The following PHACTR2 variants were observed in gnomAD, a reference collection of about 807,000 sequenced individuals.
The protein encoded by PHACTR2 is phosphatase and actin regulator 2.
PHACTR2 carries 30 observed loss-of-function variants against 76.0 expected under a neutral mutation model. The observed-to-expected ratio is 0.39, with a 90% CI of 0.30 to 0.54. PHACTR2 has a LOEUF of 0.54. PHACTR2 is among the 20% of genes least tolerant of loss of function. PHACTR2 has a pLI of 0.61. For missense variants in PHACTR2, 696 were observed against 781.1 expected, an observed-to-expected ratio of 0.89 and a Z score of 1.30; for synonymous variants, 292 against 292.5, an observed-to-expected ratio of 1.00 and a Z score of 0.02.
intron 11 of PHACTR2, among the ~76,000 whole-genome samples, chr6:143,797,874 T>C (rs1445028438): frequency 2.0e-5 from 3 of 152,202 alleles, no homozygotes; most frequent in Admixed American, 6.5e-5. Flanking sequence ...TTGTCTTGGA[T>C]ATGCGAGCTC....
At chr6:143,756,751 G>A (rs1779309419) in intron 4 of PHACTR2, among the ~76,000 whole-genome samples, 1 of 145,686 alleles carries the variant, frequency 6.9e-6, no homozygotes, top group Admixed American at 6.9e-5. Context: ...GTTAAACAAA[G>A]CTTAGTATTA....
chr6:143,667,901 G>A (rs1383967741), intron 1 of PHACTR2, among the ~76,000 whole-genome samples: 3 of 152,182 alleles, frequency 2.0e-5, no homozygotes, highest in South Asian at 2.1e-4. Flanking sequence ...GCCCTGGCCA[G>A]AACTTCCAAT....
At chr6:143,734,906 G>A (rs971994047) in intron 2 of PHACTR2, among the ~76,000 whole-genome samples, 2 of 152,178 alleles carry the variant, frequency 1.3e-5, no homozygotes, top group African/African-American at 2.4e-5. Context: ...TTCATGTCAG[G>A]AAAGTCCATT....
At chr6:143,699,050 T>C (rs1407629536) in intron 1 of PHACTR2, among the ~76,000 whole-genome samples, 1 of 152,184 alleles carries the variant, frequency 6.6e-6, no homozygotes, top group African/African-American at 2.4e-5. Context: ...GCGTCCAGTC[T>C]TGTGCATGCC....
intron 1 of PHACTR2, among the ~76,000 whole-genome samples, chr6:143,670,412 C>T (rs2128450592): frequency 6.6e-6 from 1 of 152,230 alleles, no homozygotes; most frequent in East Asian, 1.9e-4. Flanking sequence ...GGGAGAGTTC[C>T]CCTGGATAAT....
In PHACTR2 at chr6:143,601,477, A is replaced by G. The variant is rs1260640937; in HGVS notation, c.217+64270A>G. The stretch of plus-strand genomic sequence containing the variant: ...GTACAATGCTGGGCTAAGGCACACT[A>G]GACTGACACCTAAGAAATCTCATTT... On this transcript the variant is annotated intron_variant, in intron 1 of 11. Transcript: ENST00000367584. 5.9e-5 allele frequency among the ~76,000 whole-genome samples: 9 copies of G among 152,222 alleles called. No homozygotes were observed. In the East Asian group the frequency reaches 1.7e-3, roughly 29 times the overall value.
At chr6:143,584,944 T>C (rs1775610357) in intron 1 of PHACTR2, among the ~76,000 whole-genome samples, 1 of 146,442 alleles carries the variant, frequency 6.8e-6, no homozygotes. Context: ...GGCATTCTCC[T>C]CTAAACCCCA....
At chr6:143,608,054 T>C (rs1267127817), upstream of PHACTR2, 3 of 536,984 alleles carry the variant, frequency 5.6e-6, no homozygotes, top group Non-Finnish European at 1.0e-5. The surrounding 1 kb of genome is among the most constrained non-coding windows in gnomAD (Gnocchi z 4.6). Flanking sequence ...AGAGCAGAGG[T>C]GGAAACCCCA....
In PHACTR2 at chr6:143,708,857, A is replaced by G. The variant is rs887111211; in HGVS notation, c.47-3159A>G. On this transcript the variant is annotated intron_variant, in intron 1 of 12. Transcript: ENST00000440869. This position sits in a 1 kb window ranked among gnomAD's most constrained non-coding sequence, Gnocchi z 5.5. ...GAAAGTAGAATTTTTATGCAGCATCAGGGAACTGGATATGTGGATTGGGAG... is the reference window on the plus strand; with the variant it reads ...GAAAGTAGAATTTTTATGCAGCATCGGGGAACTGGATATGTGGATTGGGAG... 6.6e-6 allele frequency among the ~76,000 whole-genome samples: 1 copy of G among 152,218 alleles called. No homozygotes were observed. The highest frequency in any genetic ancestry group is 2.4e-5 in the African/African-American group (1 of 41,458).
chr6:143,655,399 G>A (rs1256620572), intron 1 of PHACTR2, among the ~76,000 whole-genome samples: 1 of 152,036 alleles, frequency 6.6e-6, no homozygotes, highest in Non-Finnish European at 1.5e-5. Flanking sequence ...TGGTAGTGAT[G>A]GTCACACAAC....
chr6:143,765,730 A>G lies in PHACTR2; in HGVS notation c.1164A>G (p.Glu388=). The part of the protein sequence containing the change: ...ALDPSQLLWA[E]EPTNRTTLYS... ...ACCCAAGTCAGCTTCTTTGGGCTGA[A>G]GAGCCGACGAACAGAACCACTCTCT... The change falls in exon 6 of 13, where the codon GAA becomes GAG. Residue 388 remains glutamate (E), a synonymous_variant. Transcript: ENST00000440869. This position sits in a 1 kb window ranked among gnomAD's most constrained non-coding sequence, Gnocchi z 4.1. The G allele has an allele frequency of 6.2e-7, 1 of 1,614,238 alleles. No homozygotes were observed. Among genetic ancestry groups the G allele is most frequent in the East Asian group, 2.2e-5 (1 of 44,886 alleles).
rs191662078 is a variant in PHACTR2, at chr6:143,659,164, C to T, written c.13+50842C>T. On this transcript the variant is annotated intron_variant, in intron 1 of 11. Coordinates refer to the PHACTR2 transcript ENST00000305766. The surrounding 1 kb of genome is among the most constrained non-coding windows in gnomAD (Gnocchi z 5.0). ...TGAAAGCCTTGGATATTATTCTACA[C>T]CACTATAGACTTTATAAACACTGTA... 6.6e-6 allele frequency among the ~76,000 whole-genome samples: 1 copy of T among 152,062 alleles called. No homozygotes were observed. Among genetic ancestry groups the T allele is most frequent in the African/African-American group, 2.4e-5 (1 of 41,396 alleles).
intron 1 of PHACTR2, among the ~76,000 whole-genome samples, chr6:143,655,169 A>G (rs945947962): frequency 5.3e-5 from 8 of 151,656 alleles, no homozygotes; most frequent in African/African-American, 9.7e-5. Context: ...AAAAAAAAAA[A>G]AAAAAGAAAA....
In PHACTR2 at chr6:143,783,138, T is replaced by C; in HGVS notation, c.1646-81T>C. The C allele has an allele frequency of 1.3e-6, 1 of 766,028 alleles. No individual in the cohort carries two copies. The highest frequency in any genetic ancestry group is 1.6e-5 in the South Asian group (1 of 64,180). The allele number at this position is 766,028 out of a possible 1,614,324, so 47.5% of individuals were successfully genotyped here. On this transcript the variant is annotated intron_variant, in intron 9 of 12. Transcript: ENST00000440869. The surrounding 1 kb of genome is among the most constrained non-coding windows in gnomAD (Gnocchi z 5.2). The stretch of plus-strand genomic sequence containing the variant: ...TTGATCATTATTTGTTAGAGTCACA[T>C]GATCGTGGCCTGATACACTTTTCTG...
At chr6:143,673,764 C>T (rs1777195634), upstream of PHACTR2, among the ~76,000 whole-genome samples, 1 of 151,834 alleles carries the variant, frequency 6.6e-6, no homozygotes, top group African/African-American at 2.4e-5. Context: ...AATCTTCCAA[C>T]TGTGGGGCTC....
chr6:143,604,891 C>CAA (rs370249476), upstream of PHACTR2, among the ~76,000 whole-genome samples: 67,365 of 131,760 alleles, frequency 0.51, 16,465 homozygotes, highest in Non-Finnish European at 0.57. Flanking sequence ...GACTCCGTCT[C>CAA]AAAAAAAAAA....
In PHACTR2 at chr6:143,548,277, T is replaced by TAGGTACAGTAAGGACAACA. The variant is rs1554286604; in HGVS notation, c.217+11071_217+11072insGGTACAGTAAGGACAACAA. The stretch of plus-strand genomic sequence containing the variant: ...CACCCTCAATACCTCATCTAATCCT[T>TAGGTACAGTAAGGACAACA]ATTACCTCCCAAAGACTCCACCTCA... On this transcript the variant is annotated intron_variant, in intron 1 of 11. Coordinates refer to the PHACTR2 transcript ENST00000367584. This position sits in a 1 kb window ranked among gnomAD's most constrained non-coding sequence, Gnocchi z 4.5. Among the ~76,000 whole-genome samples, 1 of 149,914 alleles carries TAGGTACAGTAAGGACAACA rather than the reference T, an allele frequency of 6.7e-6. No individual in the cohort carries two copies. Among genetic ancestry groups the TAGGTACAGTAAGGACAACA allele is most frequent in the African/African-American group, 2.4e-5 (1 of 41,304 alleles).
rs770068197 is a variant in PHACTR2 at position 143,787,859 on chromosome 6, G to C, written c.1708-914G>C. Reference sequence around the variant, plus strand: ...ATAAGAGAGGAAATATATGAAAATGGGCCCTATGGCTACAATAGAGGTCTA... The same window carrying C: ...ATAAGAGAGGAAATATATGAAAATGCGCCCTATGGCTACAATAGAGGTCTA... On this transcript the variant is annotated intron_variant, in intron 10 of 12. Coordinates refer to ENST00000440869, the MANE Select transcript of PHACTR2 (RefSeq NM_001100164.2). This position sits in a 1 kb window ranked among gnomAD's most constrained non-coding sequence, Gnocchi z 4.6. 1.8e-4 allele frequency among the ~76,000 whole-genome samples: 27 copies of C among 152,018 alleles called. No homozygotes were observed. The highest frequency in any genetic ancestry group is 1.2e-3 in the Admixed American group (19 of 15,258).
chr6:143,786,820 T>C (rs1410803983), intron 10 of PHACTR2, among the ~76,000 whole-genome samples: 3 of 152,116 alleles, frequency 2.0e-5, no homozygotes, highest in African/African-American at 7.2e-5. Flanking sequence ...ATGATTCAAT[T>C]ACCTCCCCCT....
Sources: gnomAD v4.1 joint callset for allele counts (sites outside exome capture counted in the v4.1 genomes callset) on GRCh38, gnomAD v4.1.1 for gene constraint, Gnocchi (gnomAD v3.1) non-coding constraint, MANE v1.5 for transcripts, NCBI Gene and HGNC (gene_info 2026-07-23, HGNC 2026-07-21) for gene names.